Variants in RPTOR observed in about 807,000 individuals in gnomAD.
RPTOR encodes the protein regulatory-associated protein of mTOR.
A neutral mutation model predicts 169.9 loss-of-function variants in RPTOR; 21 were observed. That is an observed-to-expected ratio of 0.12 (90% confidence interval 0.09 to 0.18). The LOEUF (loss-of-function observed/expected upper bound fraction) is 0.18, where lower values mean the gene tolerates loss of function less well. Among genes scored for constraint, RPTOR ranks in the 10% least tolerant of loss-of-function variants. The pLI is 1.00. For missense variants in RPTOR, 1,133 were observed against 1,855.9 expected, an observed-to-expected ratio of 0.61 and a Z score of 7.16; for synonymous variants, 732 against 753.2, an observed-to-expected ratio of 0.97 and a Z score of 0.46.
At chr17:80,672,345 T>C (rs932827651) in intron 3 of RPTOR, among the ~76,000 whole-genome samples, 4 of 150,994 alleles carry the variant, frequency 2.6e-5, no homozygotes, top group African/African-American at 9.8e-5. Flanking sequence ...CCTCCTATGT[T>C]TACTTTGCTG....
At chr17:80,552,815 T>TCAAAA (rs752297968) in intron 1 of RPTOR, among the ~76,000 whole-genome samples, 16 of 152,116 alleles carry the variant, frequency 1.1e-4, no homozygotes, top group South Asian at 2.1e-4. Context: ...AAAGTTTAGT[T>TCAAAA]CAAAACAAAA....
chr17:80,620,232 T>C (rs181883720), intron 1 of RPTOR, among the ~76,000 whole-genome samples: 2 of 152,294 alleles, frequency 1.3e-5, no homozygotes, highest in Non-Finnish European at 2.9e-5. Flanking sequence ...AATTAACCTA[T>C]GGGGATATAA....
Position 80,900,812 on chromosome 17 carries a change from A to G in RPTOR, c.2401+6947A>G, listed in dbSNP as rs549170717. Among the ~76,000 whole-genome samples the G allele has an allele frequency of 5.3e-5, 8 of 152,342 alleles. No homozygotes were observed. The South Asian group carries it at 1.4e-3, about 28-fold the overall frequency. ...AAATAAAAAGTTGCACCTGGCCTGCAAGTGTGCAGAACCGCACCTTTTGTT... is the reference window on the plus strand; with the variant it reads ...AAATAAAAAGTTGCACCTGGCCTGCGAGTGTGCAGAACCGCACCTTTTGTT... On this transcript the variant is annotated intron_variant, in intron 20 of 33. Coordinates refer to ENST00000306801, the MANE Select transcript of RPTOR (RefSeq NM_020761.3).
At chr17:80,672,420 A>C (rs2065828931) in intron 3 of RPTOR, among the ~76,000 whole-genome samples, 1 of 150,294 alleles carries the variant, frequency 6.7e-6, no homozygotes. Flanking sequence ...TGGCTGCTCA[A>C]GCTCCAGCCA....
At chr17:80,605,072 T>C (rs974701921) in intron 1 of RPTOR, among the ~76,000 whole-genome samples, 4 of 152,152 alleles carry the variant, frequency 2.6e-5, no homozygotes, top group Admixed American at 6.5e-5. Context: ...TTTTCTCTTA[T>C]GGGTTGGAGT....
chr17:80,773,175 G>A (rs1393063884), intron 6 of RPTOR, among the ~76,000 whole-genome samples: 1 of 152,222 alleles, frequency 6.6e-6, no homozygotes, highest in Non-Finnish European at 1.5e-5. Context: ...GCCCGGGAGC[G>A]GCACCACCAC....
Position 80,730,396 on chromosome 17 carries a change from C to T in RPTOR, c.508-164C>T, listed in dbSNP as rs767087353. Among the ~76,000 whole-genome samples, 16 of 152,124 alleles carry T rather than the reference C, an allele frequency of 1.1e-4. No individual in the cohort carries two copies. Among genetic ancestry groups the T allele is most frequent in the Non-Finnish European group, 1.9e-4 (13 of 68,038 alleles). ...GCTGAGATTCAGGTGTGAGCCATTGCGCCTGGCCAGTTTGCTGTTTTTTAT... is the reference window on the plus strand; with the variant it reads ...GCTGAGATTCAGGTGTGAGCCATTGTGCCTGGCCAGTTTGCTGTTTTTTAT... On this transcript the variant is annotated intron_variant, in intron 4 of 33. Transcript: ENST00000306801. This position sits in a 1 kb window ranked among gnomAD's most constrained non-coding sequence, Gnocchi z 4.2.
intron 1 of RPTOR, among the ~76,000 whole-genome samples, chr17:80,587,359 G>A (rs2065069978): frequency 6.6e-6 from 1 of 152,240 alleles, no homozygotes. Flanking sequence ...GTGTGTAGCG[G>A]CGGTTATTCT....
chr17:80,751,434 C>T (rs1322597828), intron 5 of RPTOR, among the ~76,000 whole-genome samples: 1 of 152,140 alleles, frequency 6.6e-6, no homozygotes, highest in Non-Finnish European at 1.5e-5. Flanking sequence ...GCTGAAACCT[C>T]ATGGGGTTGG....
intron 3 of RPTOR, among the ~76,000 whole-genome samples, chr17:80,681,042 G>C (rs2065894248): frequency 6.6e-6 from 1 of 152,098 alleles, no homozygotes; most frequent in Non-Finnish European, 1.5e-5. Flanking sequence ...ACTCAGGACG[G>C]GGCTTCAAGG....
intron 7 of RPTOR, among the ~76,000 whole-genome samples, chr17:80,816,480 T>C (rs1259592314): frequency 6.6e-6 from 1 of 152,162 alleles, no homozygotes; most frequent in Non-Finnish European, 1.5e-5. Flanking sequence ...GCTTGAGCTG[T>C]GATGCCAGGC....
chr17:80,844,420 A>T lies in RPTOR; in HGVS notation c.1213-2053A>T, dbSNP rs2067703581. 6.6e-6 allele frequency among the ~76,000 whole-genome samples: 1 copy of T among 152,190 alleles called. No individual in the cohort carries two copies. Among genetic ancestry groups the T allele is most frequent in the East Asian group, 1.9e-4 (1 of 5,196 alleles). ...TAGAAAGAAGAGGTGTAACTATCTG[A>T]ATTACCTGACTTCTGTTCACAGACT... is the stretch of plus-strand genomic sequence containing the variant. On this transcript the variant is annotated intron_variant, in intron 10 of 33. Coordinates refer to ENST00000306801, the MANE Select transcript of RPTOR (RefSeq NM_020761.3). This position sits in a 1 kb window ranked among gnomAD's most constrained non-coding sequence, Gnocchi z 4.7.
chr17:80,942,246 G>A (rs890132656), intron 25 of RPTOR, among the ~76,000 whole-genome samples: 5 of 151,626 alleles, frequency 3.3e-5, no homozygotes, highest in African/African-American at 1.2e-4. Flanking sequence ...GCTGCCTGCT[G>A]CCTGAGACAG....
intron 6 of RPTOR, among the ~76,000 whole-genome samples, chr17:80,760,680 GA>G (rs1410830403): frequency 2.6e-5 from 4 of 152,206 alleles, no homozygotes; most frequent in Admixed American, 6.5e-5. Context: ...TCCTGCTCCA[GA>G]AAAGGGAACT....
intron 7 of RPTOR, among the ~76,000 whole-genome samples, chr17:80,811,483 A>T (rs1286355760): frequency 6.6e-6 from 1 of 152,170 alleles, no homozygotes; most frequent in Non-Finnish European, 1.5e-5. Context: ...CTTGCATTTC[A>T]TTGAAGATCA....
chr17:80,700,903 G>A (rs927558775), intron 3 of RPTOR, among the ~76,000 whole-genome samples: 3 of 151,978 alleles, frequency 2.0e-5, no homozygotes, highest in East Asian at 1.9e-4. Flanking sequence ...TTGATAGCAC[G>A]GATAGAAAGA....
At chr17:80,715,157 G>A (rs886249030) in intron 4 of RPTOR, among the ~76,000 whole-genome samples, 2 of 151,930 alleles carry the variant, frequency 1.3e-5, no homozygotes, top group African/African-American at 4.8e-5. Context: ...GCTAAAATGT[G>A]TTTTTTTTGA....
intron 13 of RPTOR, among the ~76,000 whole-genome samples, chr17:80,879,449 C>G (rs1567964250): frequency 6.9e-6 from 1 of 144,966 alleles, no homozygotes; most frequent in Non-Finnish European, 1.5e-5. Flanking sequence ...ACTCCCACAT[C>G]CCGGGCCTGG....
chr17:80,883,862 G>T lies in RPTOR; in HGVS notation c.1732G>T (p.Ala578Ser). Residue 578 changes from alanine to serine, a missense_variant, in exon 16 of 34, where the codon GCC (alanine) becomes TCC (serine). Transcript: ENST00000306801. Reference sequence around the variant, plus strand: ...GCACCCCTTGCTGCGCCAGTGGGTGGCCATCTGCCTCGGCAGGATCTGGCA... The same window carrying T: ...GCACCCCTTGCTGCGCCAGTGGGTGTCCATCTGCCTCGGCAGGATCTGGCA... ...DPHPLLRQWV[A>S]ICLGRIWQNF... The T allele has an allele frequency of 9.3e-6, 15 of 1,613,698 alleles. No individual in the cohort carries two copies. The highest frequency in any genetic ancestry group is 1.3e-5 in the Non-Finnish European group (15 of 1,180,042).
Sources: allele counts gnomAD v4.1 joint callset (sites outside exome capture counted in the v4.1 genomes callset), GRCh38; gene constraint gnomAD v4.1.1; non-coding constraint Gnocchi (gnomAD v3.1); transcripts MANE v1.5; gene names NCBI Gene and HGNC (gene_info 2026-07-23, HGNC 2026-07-21).